ADARB2: variants seen among roughly 807,000 people sequenced by gnomAD.
ADARB2 encodes inactive double-stranded RNA-specific editase B2.
In ADARB2, 25 loss-of-function variants were observed where a neutral mutation model predicts 62.2. The ratio of observed to expected loss-of-function variants is 0.40; its 90% CI spans 0.29 to 0.56. The LOEUF is 0.56. Ranked by LOEUF, ADARB2 falls within the 20% of genes least tolerant of loss-of-function variation. The pLI is 0.43. For synonymous variants in ADARB2, 572 were observed against 500.8 expected (o/e 1.14, Z -1.90); for missense variants, 1,071 against 1,077.4 (o/e 0.99, Z 0.08).
intron 1 of ADARB2, among the ~76,000 whole-genome samples, chr10:1,594,521 C>G (rs535147212): frequency 1.8e-4 from 28 of 152,240 alleles, no homozygotes; most frequent in Admixed American, 5.9e-4. Flanking sequence ...TTGCCGTGAG[C>G]AGATGTTGCT....
intron 1 of ADARB2, among the ~76,000 whole-genome samples, chr10:1,456,557 G>T (rs1397767144): frequency 6.6e-6 from 1 of 152,100 alleles, no homozygotes; most frequent in Non-Finnish European, 1.5e-5. Flanking sequence ...TCTCCAGGGG[G>T]TCTCGTGAAC....
chr10:1,383,220 T>A (rs912236910), intron 1 of ADARB2, among the ~76,000 whole-genome samples: 1 of 152,190 alleles, frequency 6.6e-6, no homozygotes, highest in Non-Finnish European at 1.5e-5. Context: ...TCTGCAACAC[T>A]GAGGTTCTGA....
At chr10:1,715,067 T>C (rs931199861) in intron 1 of ADARB2, among the ~76,000 whole-genome samples, 8 of 138,516 alleles carry the variant, frequency 5.8e-5, no homozygotes, top group Non-Finnish European at 1.1e-4. Flanking sequence ...ATCATCATCA[T>C]AGCCAATTAG....
intron 1 of ADARB2, among the ~76,000 whole-genome samples, chr10:1,670,990 A>C (rs1834377252): frequency 6.6e-6 from 1 of 152,246 alleles, no homozygotes; most frequent in Non-Finnish European, 1.5e-5. Context: ...TGCACACCTC[A>C]AGCCTTTTCC....
intron 1 of ADARB2, among the ~76,000 whole-genome samples, chr10:1,646,874 G>T (rs764703087): frequency 4.6e-5 from 7 of 152,210 alleles, no homozygotes; most frequent in Non-Finnish European, 8.8e-5. Context: ...ATGCACCCTT[G>T]GTGCAGTCTT....
intron 1 of ADARB2, among the ~76,000 whole-genome samples, chr10:1,452,203 T>C (rs557803097): frequency 1.3e-5 from 2 of 152,280 alleles, no homozygotes; most frequent in South Asian, 4.1e-4. Context: ...GGGAATTCAG[T>C]GGCATGATGA....
At chr10:1,463,571 T>G (rs546878834) in intron 1 of ADARB2, among the ~76,000 whole-genome samples, 102 of 152,334 alleles carry the variant, frequency 6.7e-4, no homozygotes, top group Non-Finnish European at 1.6e-4. Context: ...TTTTCTAGTG[T>G]GTACAACAAA....
chr10:1,473,637 C>G (rs993157993), intron 1 of ADARB2, among the ~76,000 whole-genome samples: 1 of 152,184 alleles, frequency 6.6e-6, no homozygotes, highest in Non-Finnish European at 1.5e-5. Context: ...CTGCCTTGGC[C>G]TCCCAAAGTG....
At chr10:1,693,526 A>G (rs1834699898) in intron 1 of ADARB2, among the ~76,000 whole-genome samples, 1 of 152,242 alleles carries the variant, frequency 6.6e-6, no homozygotes, top group Non-Finnish European at 1.5e-5. Context: ...TATTGGATAT[A>G]ATTTAGAATT....
At chr10:1,202,307 G>A (rs1329389430) in intron 7 of ADARB2, among the ~76,000 whole-genome samples, 2 of 151,870 alleles carry the variant, frequency 1.3e-5, no homozygotes, top group African/African-American at 2.4e-5. Context: ...GAGTATGGTG[G>A]TGCAAGTGGT....
rs1367195255 is a variant in ADARB2 at position 1,255,871 on chromosome 10, C to T, written c.1193-13572G>A. ...ACAAGTTGGGCCCTGACACAGGCAG[C>T]ATCCAGGCAGGCAAGCACATTGACA... On this transcript the variant is annotated intron_variant, in intron 4 of 9. Transcript: ENST00000381312. This position sits in a 1 kb window ranked among gnomAD's most constrained non-coding sequence, Gnocchi z 4.7. 6.6e-6 allele frequency among the ~76,000 whole-genome samples: 1 copy of T among 152,204 alleles called. No individual in the cohort carries two copies. The highest frequency in any genetic ancestry group is 1.5e-5 in the Non-Finnish European group (1 of 68,038).
intron 1 of ADARB2, among the ~76,000 whole-genome samples, chr10:1,555,877 G>A (rs149292405): frequency 3.9e-5 from 6 of 152,080 alleles, no homozygotes; most frequent in African/African-American, 1.4e-4. Flanking sequence ...GGAGGTTGCA[G>A]TGAGCCGAGA....
chr10:1,494,328 T>C (rs1229308953), intron 1 of ADARB2, among the ~76,000 whole-genome samples: 1 of 152,224 alleles, frequency 6.6e-6, no homozygotes, highest in Non-Finnish European at 1.5e-5. Context: ...GATTGAATAG[T>C]GTCCTGTCTG....
At chr10:1,409,203 C>T (rs2820670) in intron 1 of ADARB2, among the ~76,000 whole-genome samples, 10,176 of 94,390 alleles carry the variant, frequency 0.11, 1,183 homozygotes, top group African/African-American at 0.28. Context: ...CCCTGCCTGA[C>T]AGCGGGCTCC....
rs191641386 is a variant in ADARB2, at chr10:1,716,615, G to T, written c.100+20436C>A. Among the ~76,000 whole-genome samples, 3 of 152,124 alleles carry T rather than the reference G, an allele frequency of 2.0e-5. No individual in the cohort carries two copies. The South Asian group carries it at 6.2e-4, about 31-fold the overall frequency. On this transcript the variant is annotated intron_variant, in intron 1 of 9. Transcript: ENST00000381312. Reference sequence around the variant, plus strand: ...TTTTCCTTGGGGGTTCTCAATGTGCGTTACCTCTAAGAAGTCTTACAGCAA... The same window carrying T: ...TTTTCCTTGGGGGTTCTCAATGTGCTTTACCTCTAAGAAGTCTTACAGCAA...
At chr10:1,349,874 G>A (rs1314335982) in intron 3 of ADARB2, among the ~76,000 whole-genome samples, 4 of 151,974 alleles carry the variant, frequency 2.6e-5, no homozygotes, top group African/African-American at 4.8e-5. Flanking sequence ...ATTCACCCAC[G>A]TTCCCTTGGT....
intron 1 of ADARB2, among the ~76,000 whole-genome samples, chr10:1,498,734 G>A (rs561371066): frequency 6.6e-6 from 1 of 152,294 alleles, no homozygotes; most frequent in East Asian, 1.9e-4. Flanking sequence ...ATATACTTTT[G>A]TATAAATTTC....
At chr10:1,601,843 TC>T (rs1833419341) in intron 1 of ADARB2, among the ~76,000 whole-genome samples, 1 of 152,236 alleles carries the variant, frequency 6.6e-6, no homozygotes, top group African/African-American at 2.4e-5. Context: ...AAGTTCAGTT[TC>T]AATAGAAAAC....
At chr10:1,703,815 A>G (rs1484172551) in intron 1 of ADARB2, among the ~76,000 whole-genome samples, 2 of 152,188 alleles carry the variant, frequency 1.3e-5, no homozygotes, top group African/African-American at 4.8e-5. Flanking sequence ...AGTCCACCAA[A>G]TCTTTTGACC....
Sources: allele counts gnomAD v4.1 joint callset (sites outside exome capture counted in the v4.1 genomes callset), GRCh38; gene constraint gnomAD v4.1.1; non-coding constraint Gnocchi (gnomAD v3.1); transcripts MANE v1.5; gene names NCBI Gene and HGNC (gene_info 2026-07-23, HGNC 2026-07-21).